Variants in VPS8 observed in about 807,000 individuals in gnomAD.
The protein encoded by VPS8 is VPS8 subunit of CORVET complex, also known as vacuolar protein sorting-associated protein 8 homolog.
Under a neutral mutation model 216.4 loss-of-function variants are expected in VPS8, and 129 were observed. The observed-to-expected ratio is 0.60, with a 90% CI of 0.52 to 0.69. The LOEUF (loss-of-function observed/expected upper bound fraction) is 0.69. Ranked by LOEUF, VPS8 falls within the 30% of genes least tolerant of loss-of-function variation. VPS8 has a pLI of 0.00. For missense variants in VPS8, 1,531 were observed against 1,683.5 expected (o/e 0.91, Z 1.59); for synonymous variants, 571 against 565.4 (o/e 1.01, Z -0.14).
At chr3:184,884,120 C>T (rs1490604838) in intron 21 of VPS8, among the ~76,000 whole-genome samples, 2 of 151,942 alleles carry the variant, frequency 1.3e-5, no homozygotes, top group Admixed American at 6.6e-5. Flanking sequence ...ATGTGCACAA[C>T]GTGCAGGTTT....
chr3:185,008,914 GGAAA>G (rs1460820220), intron 45 of VPS8, among the ~76,000 whole-genome samples: 1 of 152,136 alleles, frequency 6.6e-6, no homozygotes, highest in Non-Finnish European at 1.5e-5. Flanking sequence ...TGACATAAAG[GGAAA>G]GAATAAGGGA....
At chr3:185,013,493 T>A (rs1041768297) in intron 45 of VPS8, among the ~76,000 whole-genome samples, 1 of 152,230 alleles carries the variant, frequency 6.6e-6, no homozygotes, top group African/African-American at 2.4e-5. Flanking sequence ...CTGCAGCTCC[T>A]TCAAGCACTC....
At chr3:184,886,900 C>A (rs545020240) in intron 22 of VPS8, among the ~76,000 whole-genome samples, 1 of 152,162 alleles carries the variant, frequency 6.6e-6, no homozygotes, top group South Asian at 2.1e-4. Flanking sequence ...CTTTTATGAA[C>A]CATCACTAGA....
chr3:184,891,688 T>C (rs1188858379), intron 22 of VPS8, among the ~76,000 whole-genome samples: 1 of 152,148 alleles, frequency 6.6e-6, no homozygotes, highest in Non-Finnish European at 1.5e-5. Context: ...TTGAACATAA[T>C]TTGTTAAAAT....
chr3:185,013,616 C>A (rs1292779713), intron 45 of VPS8, among the ~76,000 whole-genome samples: 2 of 152,136 alleles, frequency 1.3e-5, no homozygotes, highest in Non-Finnish European at 2.9e-5. Context: ...CTTTTTTATT[C>A]TTTCCTAAAT....
intron 45 of VPS8, among the ~76,000 whole-genome samples, chr3:185,018,920 A>G (rs1756228188): frequency 6.6e-6 from 1 of 152,190 alleles, no homozygotes; most frequent in African/African-American, 2.4e-5. Flanking sequence ...GTCCTCTGGA[A>G]AAGAAAGATC....
At chr3:184,819,754 T>C (rs1173086700) in intron 1 of VPS8, among the ~76,000 whole-genome samples, 1 of 152,152 alleles carries the variant, frequency 6.6e-6, no homozygotes, top group East Asian at 1.9e-4. Context: ...CAGTGGAAAA[T>C]CTGAGTACAA....
At chr3:184,862,604 T>TG (rs1726577247) in intron 15 of VPS8, among the ~76,000 whole-genome samples, 1 of 152,248 alleles carries the variant, frequency 6.6e-6, no homozygotes, top group Non-Finnish European at 1.5e-5. Flanking sequence ...TTGTGCCAAT[T>TG]GCTTTAAAAA....
chr3:184,876,474 C>T (rs1398195022), intron 21 of VPS8, among the ~76,000 whole-genome samples: 2 of 152,056 alleles, frequency 1.3e-5, no homozygotes, highest in African/African-American at 2.4e-5. Flanking sequence ...CACTGCTTTA[C>T]ATTCTTCCCT....
Position 185,052,490 on chromosome 3 carries a change from G to A in VPS8, c.*465G>A, listed in dbSNP as rs1480454606. ...CTGCAGTATAACTGAAGCATGCCTT[G>A]GAGAGAGCAGACACTGTGGGGGCCA... is the stretch of plus-strand genomic sequence containing the variant. On this transcript the variant is annotated 3_prime_UTR_variant, in exon 48 of 48. Coordinates refer to ENST00000625842, the MANE Select transcript of VPS8 (RefSeq NM_001009921.3). The A allele has an allele frequency of 6.4e-6, 1 of 155,314 alleles. No individual in the cohort carries two copies. The highest frequency in any genetic ancestry group is 2.4e-5 in the African/African-American group (1 of 41,488). The allele number at this position is 155,314 out of a possible 1,614,324, so 9.6% of individuals were successfully genotyped here.
At chr3:184,822,125 A>G (rs1057502861) in intron 1 of VPS8, among the ~76,000 whole-genome samples, 1 of 152,216 alleles carries the variant, frequency 6.6e-6, no homozygotes, top group Non-Finnish European at 1.5e-5. Context: ...CATAAAGTCC[A>G]GATTCAGACT....
At chr3:184,862,850 A>T in intron 15 of VPS8, 47 bp from the exon 16 acceptor site, 3 of 1,572,822 alleles carry the variant, frequency 1.9e-6, no homozygotes, top group Non-Finnish European at 2.6e-6. Flanking sequence ...CCAAATGATG[A>T]AGCGGGTGTG....
At position 184,981,384 on chromosome 3, in the gene VPS8, G is replaced by GGT. The variant is rs1328433184; in HGVS notation, c.3421-1180_3421-1179dup. Reference sequence around the variant, plus strand: ...GTGGGGTGTGCTGCACACCAGCAGAGGTGGGGTGGCAGCGTCTTCATGGGA... The same window carrying GGT: ...GTGGGGTGTGCTGCACACCAGCAGAGGTGTGGGGTGGCAGCGTCTTCATGGGA... On this transcript the variant is annotated intron_variant, in intron 40 of 47. Coordinates refer to ENST00000625842, the MANE Select transcript of VPS8 (RefSeq NM_001009921.3). Among the ~76,000 whole-genome samples, 4 of 151,894 alleles carry GGT rather than the reference G, an allele frequency of 2.6e-5. No homozygotes were observed. In the East Asian group the frequency reaches 5.8e-4, roughly 22 times the overall value.
intron 10 of VPS8, among the ~76,000 whole-genome samples, chr3:184,851,609 G>T (rs568053239): frequency 2.6e-5 from 4 of 152,282 alleles, no homozygotes; most frequent in South Asian, 4.1e-4. Flanking sequence ...ACCATGTCAT[G>T]CACACACCTA....
chr3:185,026,779 G>T (rs1479964941), intron 46 of VPS8, among the ~76,000 whole-genome samples: 2 of 146,370 alleles, frequency 1.4e-5, no homozygotes, highest in South Asian at 2.1e-4. Flanking sequence ...CACAATCTTG[G>T]CTCACTGCAA....
intron 23 of VPS8, 80 bp from the exon 24 acceptor site, chr3:184,898,485 G>A (rs913587568): frequency 9.1e-7 from 1 of 1,102,762 alleles, no homozygotes; most frequent in African/African-American, 1.6e-5. Flanking sequence ...GAGCATTCAA[G>A]ACCTTTCCCA....
intron 17 of VPS8, 114 bp downstream of exon 17, chr3:184,867,064 A>G (rs991906296): frequency 1.0e-4 from 91 of 909,184 alleles, no homozygotes; most frequent in Admixed American, 4.0e-4. Flanking sequence ...GTCAGCAATT[A>G]TCCTAAACCC....
At chr3:184,956,375 A>C (rs1383882110) in intron 36 of VPS8, among the ~76,000 whole-genome samples, 1 of 152,200 alleles carries the variant, frequency 6.6e-6, no homozygotes, top group Non-Finnish European at 1.5e-5. Flanking sequence ...GGACCAAACA[A>C]ATATCTTATT....
rs1740087355 is a variant in VPS8 at position 184,928,491 on chromosome 3, T to C, written c.2672T>C (p.Phe891Ser). The C allele has an allele frequency of 1.3e-6, 2 of 1,535,652 alleles. No individual in the cohort carries two copies. Among genetic ancestry groups the C allele is most frequent in the Non-Finnish European group, 1.7e-6 (2 of 1,152,962 alleles). The stretch of plus-strand genomic sequence containing the variant: ...CTGCAGGCTGGAGGCATAGTTCAAT[T>C]TGAAGAGAGTCGACTCATCCGGATG... ...ELLQAGGIVQ[F>S]EESRLIRMAE... is the part of the protein sequence containing the mutation. Residue 891 changes from phenylalanine (F) to serine (S), a missense_variant, in exon 32 of 48, where the codon TTT (phenylalanine) becomes TCT (serine). Phe to Ser is a radical substitution (Grantham distance 155). Around this residue, in one of 3 missense-constraint regions of VPS8, gnomAD observed 1,318 missense variants for 1,468.4 expected, o/e 0.90. Coordinates refer to ENST00000625842, the MANE Select transcript of VPS8 (RefSeq NM_001009921.3).
Sources: allele counts gnomAD v4.1 joint callset (sites outside exome capture counted in the v4.1 genomes callset), GRCh38; gene constraint gnomAD v4.1.1; regional missense constraint gnomAD v4.1.1; transcripts MANE v1.5; gene names NCBI Gene and HGNC (gene_info 2026-07-23, HGNC 2026-07-21).